The following ADAM29 variants were observed in gnomAD, a reference collection of about 807,000 sequenced individuals.
ADAM29 encodes disintegrin and metalloproteinase domain-containing protein 29.
For missense variants in ADAM29, 969 were observed against 1,001.8 expected (o/e 0.97, Z 0.44); for synonymous variants, 367 against 342.3 (o/e 1.07, Z -0.80).
intron 2 of ADAM29, among the ~76,000 whole-genome samples, chr4:174,923,523 A>G (rs924067625): frequency 9.8e-5 from 9 of 91,760 alleles, no homozygotes; most frequent in Admixed American, 7.0e-4. Flanking sequence ...TGTGCATTAT[A>G]TGTATATATA....
At chr4:174,962,748 C>T (rs1054011888) in intron 4 of ADAM29, among the ~76,000 whole-genome samples, 11 of 151,588 alleles carry the variant, frequency 7.3e-5, no homozygotes, top group African/African-American at 2.7e-4. Context: ...TAAATACATA[C>T]AGTTTTATAT....
At chr4:174,958,516 G>T (rs1745633815) in intron 4 of ADAM29, among the ~76,000 whole-genome samples, 2 of 151,562 alleles carry the variant, frequency 1.3e-5, no homozygotes. Flanking sequence ...CTTTTAATTT[G>T]TCATAATCTT....
intron 3 of ADAM29, among the ~76,000 whole-genome samples, chr4:174,933,511 G>C (rs10021767): frequency 0.012 from 1,768 of 152,186 alleles, 36 homozygotes; most frequent in African/African-American, 0.041. Flanking sequence ...GGGTACACGA[G>C]CATGTTTGCT....
intron 2 of ADAM29, among the ~76,000 whole-genome samples, chr4:174,921,418 G>A (rs986311911): frequency 1.3e-5 from 2 of 152,056 alleles, no homozygotes; most frequent in Non-Finnish European, 1.5e-5. Context: ...TCCTGTTGCT[G>A]GACTACTCTT....
At chr4:174,970,611 A>G (rs1171031997) in intron 4 of ADAM29, among the ~76,000 whole-genome samples, 1 of 152,180 alleles carries the variant, frequency 6.6e-6, no homozygotes, top group Non-Finnish European at 1.5e-5. Flanking sequence ...AGCCTCCAGA[A>G]CTACAGAACT....
intron 4 of ADAM29, among the ~76,000 whole-genome samples, chr4:174,956,280 C>A (rs1046203233): frequency 6.6e-6 from 1 of 152,002 alleles, no homozygotes; most frequent in Non-Finnish European, 1.5e-5. Flanking sequence ...GTTCCTTCCT[C>A]AACATCTATA....
rs768338988 is a variant in ADAM29 at position 174,976,075 on chromosome 4, ACTC to A, written c.551_553del (p.Thr184_Gln185delinsLys). 1.9e-6 allele frequency: 3 copies of A among 1,610,472 alleles called. No homozygotes were observed. In the South Asian group the frequency reaches 3.3e-5, roughly 18 times the overall value. ...GGAATTTGAAGAAATTGATAATTCC[ACTC>A]AGAAGCAAAGTTCTTATGTGGGCTG... is the stretch of plus-strand genomic sequence containing the variant. On this transcript the variant is annotated inframe_deletion, in exon 5 of 5. Transcript: ENST00000359240.
Position 174,978,102 on chromosome 4 carries a change from A to G in ADAM29, c.*114A>G. The G allele has an allele frequency of 6.6e-7, 1 of 1,512,418 alleles. No homozygotes were observed. Among genetic ancestry groups the G allele is most frequent in the Non-Finnish European group, 8.9e-7 (1 of 1,119,282 alleles). The allele number at this position is 1,512,418 out of a possible 1,614,324, so 93.7% of individuals were successfully genotyped here. ...CTCATGTGACACCTTACCGGAGTAA[A>G]AGTGGTAAACAAAAGCAATCAGTAC... On this transcript the variant is annotated 3_prime_UTR_variant, in exon 5 of 5. Coordinates refer to ENST00000359240, the MANE Select transcript of ADAM29 (RefSeq NM_014269.4).
chr4:174,977,937 GCAACCTCAGTTGATGCCTTCCCAGAGT>G lies in ADAM29; in HGVS notation c.2420_2446del (p.Gln807_Pro815del). 1 of 1,400,894 alleles carries G rather than the reference GCAACCTCAGTTGATGCCTTCCCAGAGT, an allele frequency of 7.1e-7. No homozygotes were observed. The highest frequency in any genetic ancestry group is 9.5e-7 in the Non-Finnish European group (1 of 1,056,834). The allele number at this position is 1,400,894 out of a possible 1,614,324, so 86.8% of individuals were successfully genotyped here. A position where few individuals can be genotyped will look rare whatever the true frequency, so the allele number is the denominator to read the frequency against. On this transcript the variant is annotated inframe_deletion, in exon 5 of 5. Transcript: ENST00000359240. ...AACCTCCTGTGACACCCTCCCAGAGGCAACCTCAGTTGATGCCTTCCCAGAGTCAACCTCCTGTGACGCCCTCCTAGA... is the reference window on the plus strand; with the variant it reads ...AACCTCCTGTGACACCCTCCCAGAGGCAACCTCCTGTGACGCCCTCCTAGA...
chr4:174,958,981 G>A (rs1745659783), intron 4 of ADAM29, among the ~76,000 whole-genome samples: 1 of 119,294 alleles, frequency 8.4e-6, no homozygotes, highest in African/African-American at 3.6e-5. Flanking sequence ...TTACCTAAAT[G>A]TATTATTAGT....
At chr4:174,921,203 A>G (rs1053354826) in intron 2 of ADAM29, among the ~76,000 whole-genome samples, 2 of 152,222 alleles carry the variant, frequency 1.3e-5, no homozygotes, top group African/African-American at 4.8e-5. Flanking sequence ...TATTTATGAA[A>G]ACAGTCAATC....
At chr4:174,965,984 T>C (rs568280967) in intron 4 of ADAM29, among the ~76,000 whole-genome samples, 113 of 152,350 alleles carry the variant, frequency 7.4e-4, no homozygotes, top group African/African-American at 2.5e-3. Flanking sequence ...CAAGGAGGAT[T>C]GGTCCCAGGA....
intron 4 of ADAM29, among the ~76,000 whole-genome samples, chr4:174,944,051 A>G (rs1262276357): frequency 2.6e-5 from 4 of 151,792 alleles, no homozygotes; most frequent in Non-Finnish European, 5.9e-5. Context: ...ATAAATAATT[A>G]TAAATACAAT....
Position 174,976,911 on chromosome 4 carries a change from T to C in ADAM29, c.1386T>C (p.Cys462=). The part of the protein sequence containing the change: ...GKVCRKEVNE[C]DLPEWCNGTS... Reference sequence around the variant, plus strand: ...TGTGTAGAAAGGAGGTCAATGAATGTGATCTTCCAGAGTGGTGCAATGGTA... The same window carrying C: ...TGTGTAGAAAGGAGGTCAATGAATGCGATCTTCCAGAGTGGTGCAATGGTA... The change falls in exon 5 of 5, where the codon TGT becomes TGC. Residue 462 remains cysteine (C), a synonymous_variant. Coordinates refer to ENST00000359240, the MANE Select transcript of ADAM29 (RefSeq NM_014269.4). 1 of 1,614,174 alleles carries C rather than the reference T, an allele frequency of 6.2e-7. No individual in the cohort carries two copies. Among genetic ancestry groups the C allele is most frequent in the South Asian group, 1.1e-5 (1 of 91,082 alleles).
chr4:174,973,826 C>T (rs1746602228), intron 4 of ADAM29, among the ~76,000 whole-genome samples: 1 of 152,158 alleles, frequency 6.6e-6, no homozygotes, highest in African/African-American at 2.4e-5. Flanking sequence ...ATGGAAGGAA[C>T]AAAAACAACG....
At chr4:174,949,299 A>G (rs13132513) in intron 4 of ADAM29, among the ~76,000 whole-genome samples, 76,331 of 151,910 alleles carry the variant, frequency 0.5, 19,937 homozygotes, top group East Asian at 0.57. Flanking sequence ...GCAAGCTTTG[A>G]GGGATGAGCA....
At chr4:174,974,553 T>A (rs1004566174) in intron 4 of ADAM29, among the ~76,000 whole-genome samples, 1 of 152,220 alleles carries the variant, frequency 6.6e-6, no homozygotes, top group Non-Finnish European at 1.5e-5. Context: ...ACTACAAAAC[T>A]TTGTTCCAGA....
At chr4:174,928,665 C>A (rs537271712) in intron 2 of ADAM29, among the ~76,000 whole-genome samples, 1 of 151,120 alleles carries the variant, frequency 6.6e-6, no homozygotes, top group East Asian at 1.9e-4. Flanking sequence ...AAATTTAACT[C>A]CCCTGAAACA....
At chr4:174,973,953 G>T (rs1245850104) in intron 4 of ADAM29, among the ~76,000 whole-genome samples, 1 of 152,238 alleles carries the variant, frequency 6.6e-6, no homozygotes, top group East Asian at 1.9e-4. Flanking sequence ...CAGCAGGGTT[G>T]TATCAGCTAG....
Sources: gnomAD v4.1 joint callset for allele counts (sites outside exome capture counted in the v4.1 genomes callset) on GRCh38, gnomAD v4.1.1 for gene constraint, MANE v1.5 for transcripts, NCBI Gene and HGNC (gene_info 2026-07-23, HGNC 2026-07-21) for gene names.